Variants in ALK observed in about 807,000 individuals in gnomAD.
The protein encoded by ALK is ALK tyrosine kinase receptor.
ALK carries 74 observed loss-of-function variants against 163.1 expected under a neutral mutation model. That is an observed-to-expected ratio of 0.45 (90% confidence interval 0.38 to 0.55). The LOEUF (loss-of-function observed/expected upper bound fraction) is 0.55. ALK is among the 20% of genes least tolerant of loss of function. The probability of loss-of-function intolerance (pLI) is 0.00; values close to 1 mark genes in which losing one functional copy is unlikely to be tolerated. For synonymous variants in ALK, 960 were observed against 843.2 expected (o/e 1.14, Z -2.40); for missense variants, 2,063 against 2,105.3 (o/e 0.98, Z 0.39).
intron 3 of ALK, among the ~76,000 whole-genome samples, chr2:29,679,266 CTT>C (rs1334301220): frequency 6.6e-6 from 1 of 151,792 alleles, no homozygotes. Flanking sequence ...AAGTGTCCCT[CTT>C]CTAGAAAACA....
At chr2:29,442,307 TA>T (rs67282936) in intron 4 of ALK, among the ~76,000 whole-genome samples, 113,586 of 149,834 alleles carry the variant, frequency 0.76, 45,746 homozygotes, top group Non-Finnish European at 0.91. Flanking sequence ...TCTGATAAAT[TA>T]AAAAAAAAAA....
chr2:29,408,063 A>C (rs1001299670), intron 4 of ALK, among the ~76,000 whole-genome samples: 1 of 151,248 alleles, frequency 6.6e-6, no homozygotes, highest in Non-Finnish European at 1.5e-5. Context: ...TTATAGGCAA[A>C]GGTACTCAGG....
At chr2:29,637,357 C>A (rs562334683) in intron 3 of ALK, among the ~76,000 whole-genome samples, 141 of 152,180 alleles carry the variant, frequency 9.3e-4, no homozygotes, top group Non-Finnish European at 1.9e-3. Context: ...CTTACGACTC[C>A]ATTTGTATAG....
intron 8 of ALK, among the ~76,000 whole-genome samples, chr2:29,299,175 T>A (rs1666294289): frequency 6.6e-6 from 1 of 152,228 alleles, no homozygotes; most frequent in South Asian, 2.1e-4. Flanking sequence ...TATAACTCTT[T>A]GAACTCTTCA....
intron 3 of ALK, among the ~76,000 whole-genome samples, chr2:29,606,338 C>A (rs1675541683): frequency 6.6e-6 from 1 of 152,214 alleles, no homozygotes; most frequent in African/African-American, 2.4e-5. Flanking sequence ...GGCAAAGAAG[C>A]TGGATACCTC....
At chr2:29,702,589 G>A (rs115845544) in intron 2 of ALK, among the ~76,000 whole-genome samples, 1 of 152,186 alleles carries the variant, frequency 6.6e-6, no homozygotes, top group Non-Finnish European at 1.5e-5. Context: ...TTTCTTGATT[G>A]TATTAGTCTG....
At chr2:29,424,057 G>A (rs1573341678) in intron 4 of ALK, among the ~76,000 whole-genome samples, 1 of 152,044 alleles carries the variant, frequency 6.6e-6, no homozygotes, top group East Asian at 1.9e-4. Flanking sequence ...TTCACAAGGA[G>A]AATAAATTCA....
chr2:29,384,910 G>A (rs1322579041), intron 4 of ALK, among the ~76,000 whole-genome samples: 1 of 152,108 alleles, frequency 6.6e-6, no homozygotes, highest in African/African-American at 2.4e-5. Flanking sequence ...AAATAGCTGG[G>A]TATGGTGGTG....
At chr2:29,216,345 G>A (rs1478375579) in intron 23 of ALK, among the ~76,000 whole-genome samples, 1 of 151,756 alleles carries the variant, frequency 6.6e-6, no homozygotes, top group Non-Finnish European at 1.5e-5. Flanking sequence ...GGCCCTAGCT[G>A]TGCTAGGGCC....
intron 1 of ALK, among the ~76,000 whole-genome samples, chr2:29,871,501 A>G (rs1216132432): frequency 1.3e-5 from 2 of 152,216 alleles, no homozygotes; most frequent in Non-Finnish European, 2.9e-5. Context: ...CATTAGGCAC[A>G]AGCAGCATGG....
At chr2:29,591,932 GTCTTTAT>G (rs1675070864) in intron 3 of ALK, among the ~76,000 whole-genome samples, 1 of 151,810 alleles carries the variant, frequency 6.6e-6, no homozygotes, top group Non-Finnish European at 1.5e-5. Flanking sequence ...TCATGAGTCC[GTCTTTAT>G]TCTTTTCGGC....
chr2:29,690,467 T>C (rs1318775984), intron 3 of ALK, among the ~76,000 whole-genome samples: 1 of 152,150 alleles, frequency 6.6e-6, no homozygotes. Context: ...TTTTCCATTT[T>C]TAAGCCAGGA....
chr2:29,881,090 G>C (rs1184436955), intron 1 of ALK, among the ~76,000 whole-genome samples: 1 of 152,160 alleles, frequency 6.6e-6, no homozygotes, highest in Non-Finnish European at 1.5e-5. Context: ...GTAGTCTCAC[G>C]GACAACCAGC....
At position 29,850,500 on chromosome 2, in the gene ALK, T is replaced by C. The variant is rs142336924; in HGVS notation, c.667+69493A>G. 1.6e-3 allele frequency among the ~76,000 whole-genome samples: 245 copies of C among 152,324 alleles called. 2 individuals are homozygous for C. The highest frequency in any genetic ancestry group is 5.6e-3 in the African/African-American group (233 of 41,576). On this transcript the variant is annotated intron_variant, in intron 1 of 28. Transcript: ENST00000389048. ...AAAACAAGGGCAAAGCCAGCAACTC[T>C]CAGGGATGCCCCAGAGCCTGATAAA...
chr2:29,502,853 A>T (rs1573407972), intron 4 of ALK, among the ~76,000 whole-genome samples: 2 of 152,358 alleles, frequency 1.3e-5, no homozygotes, highest in East Asian at 3.9e-4. Context: ...TGAGGGAATC[A>T]TTCAGCCGTG....
At chr2:29,208,576 C>T (rs1051495140) in intron 25 of ALK, among the ~76,000 whole-genome samples, 17 of 152,264 alleles carry the variant, frequency 1.1e-4, no homozygotes, top group Admixed American at 3.3e-4. Context: ...ACTCCAGAGA[C>T]GTCTTTACTA....
intron 4 of ALK, among the ~76,000 whole-genome samples, chr2:29,467,404 T>C (rs1167092462): frequency 6.6e-6 from 1 of 152,246 alleles, no homozygotes; most frequent in African/African-American, 2.4e-5. Flanking sequence ...CCTCAGAGCC[T>C]GAAGCCTAGT....
At chr2:29,907,922 C>T (rs562835698) in intron 1 of ALK, among the ~76,000 whole-genome samples, 9 of 152,236 alleles carry the variant, frequency 5.9e-5, no homozygotes, top group Non-Finnish European at 1.0e-4. Flanking sequence ...AACCATAAGT[C>T]TTCAAGGTTC....
intron 9 of ALK, among the ~76,000 whole-genome samples, chr2:29,289,100 A>G (rs183307845): frequency 6.6e-6 from 1 of 152,294 alleles, no homozygotes; most frequent in East Asian, 1.9e-4. Flanking sequence ...CTCATTGATA[A>G]ACTAAGGTCA....
Sources: gnomAD v4.1 joint callset for allele counts (sites outside exome capture counted in the v4.1 genomes callset) on GRCh38, gnomAD v4.1.1 for gene constraint, MANE v1.5 for transcripts, NCBI Gene and HGNC (gene_info 2026-07-23, HGNC 2026-07-21) for gene names.